Variants in PDILT observed in about 807,000 individuals in gnomAD.
PDILT encodes the protein protein disulfide isomerase like, testis expressed, also known as protein disulfide-isomerase-like protein of the testis.
PDILT carries 43 observed loss-of-function variants against 53.7 expected under a neutral mutation model. The ratio of observed to expected loss-of-function variants is 0.80; its 90% confidence interval spans 0.63 to 1.03. The LOEUF (loss-of-function observed/expected upper bound fraction) is 1.03. Ranked by LOEUF, PDILT falls within the 50% of genes least tolerant of loss-of-function variation. PDILT has a pLI of 0.00. For synonymous variants in PDILT, 282 were observed against 274.2 expected (o/e 1.03, Z -0.28); for missense variants, 727 against 712.3 (o/e 1.02, Z -0.24).
At chr16:20,365,186 T>C (rs555354591) in intron 9 of PDILT, among the ~76,000 whole-genome samples, 52 of 152,304 alleles carry the variant, frequency 3.4e-4, no homozygotes, top group African/African-American at 1.2e-3. Flanking sequence ...CAAACAGCCA[T>C]AGGCCTGGGT....
chr16:20,399,435 A>G (rs1966703283), intron 1 of PDILT, 128 bp from the exon 2 acceptor site: 1 of 960,788 alleles, frequency 1.0e-6, no homozygotes, highest in Non-Finnish European at 1.6e-6. Flanking sequence ...CCTCCCAGCA[A>G]TGCCTGCAGC....
rs775226268 is a variant in PDILT, at chr16:20,359,329, T to C, written c.1745A>G (p.Glu582Gly). 3.7e-6 allele frequency: 6 copies of C among 1,613,624 alleles called. No homozygotes were observed. The highest frequency in any genetic ancestry group is 1.7e-5 in the Admixed American group (1 of 59,908). Residue 582 changes from glutamate (E) to glycine (G), a missense_variant, in exon 12 of 12, where the codon GAA becomes GGA. Physicochemically the swap from Glu to Gly is moderately conservative, Grantham distance 98. Coordinates refer to ENST00000302451, the MANE Select transcript of PDILT (RefSeq NM_174924.2). ...CTGGTATTGGAGAAGCTAAAGTTCT[T>C]CCTTGACTTTTGGTTTCTTCTTTTG... is the stretch of plus-strand genomic sequence containing the variant. ...PVQKKKPKVKEEL is the reference protein window; with the variant it reads ...PVQKKKPKVKGEL
rs1230028271 is a variant in PDILT, at chr16:20,376,098, G to C, written c.513C>G (p.Ser171=). The stretch of plus-strand genomic sequence containing the variant: ...AGAAGCCAACGATGACCAAGGGCCT[G>C]GATATCACAAACTCTGCCACCTGCT... The part of the protein sequence containing the change: ...SSEQVAEFVI[S]RPLVIVGFFQ... The change falls in exon 4 of 12, where the codon TCC becomes TCG. Residue 171 remains serine (S), a synonymous_variant. Transcript: ENST00000302451. The C allele has an allele frequency of 6.2e-7, 1 of 1,614,072 alleles. No individual in the cohort carries two copies. The highest frequency in any genetic ancestry group is 8.5e-7 in the Non-Finnish European group (1 of 1,180,012).
intron 2 of PDILT, among the ~76,000 whole-genome samples, chr16:20,395,802 G>A (rs1218707501): frequency 1.3e-5 from 2 of 152,080 alleles, no homozygotes; most frequent in African/African-American, 4.8e-5. Flanking sequence ...CCTGGCAGCC[G>A]CTGCTCCTCT....
chr16:20,359,506 A>G lies in PDILT; in HGVS notation c.1568T>C (p.Val523Ala). 1 of 1,613,700 alleles carries G rather than the reference A, an allele frequency of 6.2e-7. No homozygotes were observed. ...AGGTAACCCTTTCCTCATCATAGGC[A>G]CCTCCTTTTCCTCAGCTAGCACTTC... The part of the protein sequence containing the change: ...EEEVLAEEKE[V>A]PMMRKGLPEQ... The change falls in exon 12 of 12, where the codon GTG (valine) becomes GCG (alanine). Residue 523 changes from valine to alanine, a missense_variant. Physicochemically the swap from Val to Ala is moderately conservative, Grantham distance 64. Coordinates refer to ENST00000302451, the MANE Select transcript of PDILT (RefSeq NM_174924.2).
chr16:20,360,700 C>T (rs552128164), intron 10 of PDILT, 43 bp from the exon 11 acceptor site: 90 of 1,417,396 alleles, frequency 6.3e-5, no homozygotes, highest in Middle Eastern at 3.5e-4. Context: ...ATCCTCTTCC[C>T]GCAGAGATGC....
chr16:20,384,762 A>G lies in PDILT; in HGVS notation c.292T>C (p.Phe98Leu), dbSNP rs1273787881. The G allele has an allele frequency of 1.9e-6, 3 of 1,614,032 alleles. No individual in the cohort carries two copies. The highest frequency in any genetic ancestry group is 2.5e-6 in the Non-Finnish European group (3 of 1,180,030). ...IMGKGKNGIGFGKVDITIEKE... is the reference protein window; with the variant it reads ...IMGKGKNGIGLGKVDITIEKE... ...TCTATGGTAATGTCCACTTTGCCAA[A>G]GCCGATCCCATTCTTGCCTTTGCCC... The change falls in exon 3 of 12, where the codon TTT becomes CTT. Residue 98 changes from phenylalanine (F) to leucine (L), a missense_variant. Physicochemically the swap from Phe to Leu is conservative, Grantham distance 22. Transcript: ENST00000302451.
At chr16:20,399,996 A>T (rs1163705189) in intron 1 of PDILT, among the ~76,000 whole-genome samples, 2 of 151,290 alleles carry the variant, frequency 1.3e-5, no homozygotes, top group Admixed American at 6.6e-5. Context: ...CTATGTAAAC[A>T]TACCTTTGAA....
Position 20,384,667 on chromosome 16 carries a change from C to G in PDILT, c.387G>C (p.Arg129Ser), listed in dbSNP as rs763323272. ...TACCTTTGCAGCTGATGGGCTCTGA[C>G]CTGTTGCCCTCAAAAAACAGCTTCA... ...PELKLFFEGN[R>S]SEPISCKGVV... The change falls in exon 3 of 12, where the codon AGG becomes AGC. Residue 129 changes from arginine (R) to serine (S), a missense_variant. Coordinates refer to ENST00000302451, the MANE Select transcript of PDILT (RefSeq NM_174924.2). 2 of 1,614,062 alleles carry G rather than the reference C, an allele frequency of 1.2e-6. No homozygotes were observed. Among genetic ancestry groups the G allele is most frequent in the Admixed American group, 3.3e-5 (2 of 60,006 alleles).
intron 2 of PDILT, among the ~76,000 whole-genome samples, chr16:20,388,454 T>C (rs570086105): frequency 2.6e-5 from 4 of 152,276 alleles, no homozygotes; most frequent in East Asian, 1.9e-4. Context: ...AATGACCAAA[T>C]TGGCCAGCTG....
chr16:20,361,406 A>T (rs1596575703), intron 10 of PDILT, among the ~76,000 whole-genome samples: 1 of 151,968 alleles, frequency 6.6e-6, no homozygotes, highest in Non-Finnish European at 1.5e-5. Flanking sequence ...GATGGTCTGG[A>T]TCTCTTGACC....
chr16:20,394,177 G>C (rs146667006), intron 2 of PDILT, among the ~76,000 whole-genome samples: 1 of 152,172 alleles, frequency 6.6e-6, no homozygotes, highest in Non-Finnish European at 1.5e-5. Flanking sequence ...CAGTGTCCAC[G>C]GGATTTGAGA....
chr16:20,360,217 A>T (rs1966077781), intron 11 of PDILT, among the ~76,000 whole-genome samples: 1 of 152,170 alleles, frequency 6.6e-6, no homozygotes, highest in African/African-American at 2.4e-5. Flanking sequence ...AGGCATGGCT[A>T]GGGGAGAAAG....
At chr16:20,367,222 C>T (rs1320024820) in intron 8 of PDILT, among the ~76,000 whole-genome samples, 1 of 151,974 alleles carries the variant, frequency 6.6e-6, no homozygotes, top group East Asian at 1.9e-4. Flanking sequence ...CCTGCCTCAG[C>T]CTCCTGAGTA....
intron 1 of PDILT, among the ~76,000 whole-genome samples, chr16:20,400,035 T>A (rs1448058145): frequency 8.2e-6 from 1 of 121,630 alleles, no homozygotes; most frequent in South Asian, 2.9e-4. Flanking sequence ...TCTATCTATC[T>A]ATCTATCTAT....
At chr16:20,390,199 T>A (rs1242704795) in intron 2 of PDILT, among the ~76,000 whole-genome samples, 1 of 152,176 alleles carries the variant, frequency 6.6e-6, no homozygotes, top group Non-Finnish European at 1.5e-5. Context: ...CAATCTCTTC[T>A]TGTTTCTCAG....
At chr16:20,397,706 G>A (rs1280959070) in intron 2 of PDILT, among the ~76,000 whole-genome samples, 2 of 152,198 alleles carry the variant, frequency 1.3e-5, no homozygotes, top group African/African-American at 4.8e-5. Context: ...CCGCGAGGAG[G>A]AGCATAGGGG....
At chr16:20,361,406 A>C (rs1596575703) in intron 10 of PDILT, among the ~76,000 whole-genome samples, 2 of 152,086 alleles carry the variant, frequency 1.3e-5, no homozygotes, top group South Asian at 4.2e-4. Context: ...GATGGTCTGG[A>C]TCTCTTGACC....
chr16:20,400,630 A>T (rs1966728139), intron 1 of PDILT, among the ~76,000 whole-genome samples: 1 of 152,026 alleles, frequency 6.6e-6, no homozygotes, highest in African/African-American at 2.4e-5. Context: ...GGAAATTTTG[A>T]ATATGTACAA....
Sources: gnomAD v4.1 joint callset for allele counts (sites outside exome capture counted in the v4.1 genomes callset) on GRCh38, gnomAD v4.1.1 for gene constraint, MANE v1.5 for transcripts, NCBI Gene and HGNC (gene_info 2026-07-23, HGNC 2026-07-21) for gene names.